LRP1B: variants seen among roughly 807,000 people sequenced by gnomAD.
The protein encoded by LRP1B is low-density lipoprotein receptor-related protein 1B.
LRP1B carries 217 observed loss-of-function variants against 556.6 expected under a neutral mutation model. The observed-to-expected ratio is 0.39, with a 90% CI of 0.35 to 0.44. The LOEUF is 0.44. Among genes scored for constraint, LRP1B ranks in the 20% least tolerant of loss-of-function variants. The probability of loss-of-function intolerance (pLI) is 1.00; values close to 1 mark genes in which losing one functional copy is unlikely to be tolerated. For synonymous variants in LRP1B, 2,047 were observed against 1,865.8 expected (o/e 1.10, Z -2.50); for missense variants, 5,053 against 5,620.8 (o/e 0.90, Z 3.23).
chr2:140,580,748 T>A (rs1681728866), intron 43 of LRP1B, among the ~76,000 whole-genome samples: 1 of 152,202 alleles, frequency 6.6e-6, no homozygotes, highest in African/African-American at 2.4e-5. Flanking sequence ...TGGCTTTTTA[T>A]CTTTTTTAAA....
chr2:140,846,014 T>C (rs2105108746), intron 29 of LRP1B, among the ~76,000 whole-genome samples: 1 of 152,138 alleles, frequency 6.6e-6, no homozygotes, highest in East Asian at 1.9e-4. Context: ...CAGGGCCCCA[T>C]GGAAGATACA....
At chr2:141,443,968 G>A (rs1207900382) in intron 3 of LRP1B, among the ~76,000 whole-genome samples, 2 of 152,068 alleles carry the variant, frequency 1.3e-5, no homozygotes, top group African/African-American at 2.4e-5. Flanking sequence ...ATTCTGTGAA[G>A]AAAGGCAATG....
intron 1 of LRP1B, among the ~76,000 whole-genome samples, chr2:141,955,035 T>C (rs903426144): frequency 2.6e-5 from 4 of 152,064 alleles, no homozygotes; most frequent in African/African-American, 7.2e-5. Flanking sequence ...CATAAAAGCA[T>C]TGGAAAAGAC....
rs142120934 is a variant in LRP1B, at chr2:141,254,392, T to C, written c.463+130A>G. The stretch of plus-strand genomic sequence containing the variant: ...ATGTTTTTGTTGGGGGGGCAACTTT[T>C]AAATCTCAAGAAAGAAAAGTTAACA... On this transcript the variant is annotated intron_variant, in intron 4 of 90. Transcript: ENST00000389484. 8.0e-4 allele frequency: 732 copies of C among 915,680 alleles called. 3 individuals carry two copies. In the African/African-American group the frequency reaches 0.011, roughly 14 times the overall value. 56.7% of individuals were successfully genotyped at this position (915,680 alleles called of 1,614,324 possible).
chr2:141,137,041 A>AG (rs1302671804), intron 7 of LRP1B, among the ~76,000 whole-genome samples: 7 of 151,714 alleles, frequency 4.6e-5, no homozygotes, highest in African/African-American at 1.7e-4. Context: ...TATTCGAAAA[A>AG]AAGTCTATTA....
At chr2:141,078,416 A>C (rs1699845339) in intron 7 of LRP1B, among the ~76,000 whole-genome samples, 1 of 152,188 alleles carries the variant, frequency 6.6e-6, no homozygotes, top group Admixed American at 6.5e-5. Flanking sequence ...CTCCTAGCTA[A>C]TTAGACCAGT....
intron 41 of LRP1B, among the ~76,000 whole-genome samples, chr2:140,649,821 T>C (rs917418487): frequency 5.3e-5 from 8 of 152,216 alleles, no homozygotes; most frequent in Admixed American, 6.5e-5. Context: ...ATTTTTTGAC[T>C]CCTTAAGAAG....
chr2:141,681,259 C>T (rs1691091932), intron 2 of LRP1B, among the ~76,000 whole-genome samples: 1 of 152,028 alleles, frequency 6.6e-6, no homozygotes, highest in South Asian at 2.1e-4. Context: ...CACTACTGCA[C>T]TCCAGCCTGG....
At chr2:141,309,628 C>A (rs1040405548) in intron 3 of LRP1B, among the ~76,000 whole-genome samples, 1 of 152,100 alleles carries the variant, frequency 6.6e-6, no homozygotes, top group Non-Finnish European at 1.5e-5. Context: ...AAACCAAACA[C>A]CTCATATTCT....
At chr2:140,308,401 A>G (rs1444266604) in intron 83 of LRP1B, among the ~76,000 whole-genome samples, 1 of 151,882 alleles carries the variant, frequency 6.6e-6, no homozygotes, top group African/African-American at 2.4e-5. Flanking sequence ...TGCTAGCAAA[A>G]GTAATTCCTT....
chr2:140,835,211 G>A (rs1691858359), intron 31 of LRP1B, among the ~76,000 whole-genome samples: 3 of 152,266 alleles, frequency 2.0e-5, no homozygotes, highest in South Asian at 2.1e-4. Context: ...GAAAATCTAC[G>A]TTAGTGAAGT....
In LRP1B at chr2:140,416,076, G is replaced by T. The variant is rs79768396; in HGVS notation, c.10414+26428C>A. On this transcript the variant is annotated intron_variant, in intron 66 of 90. Transcript: ENST00000389484. Reference sequence around the variant, plus strand: ...AACCAGGCCGCACAGCAGGAGGCGAGTGGCAGGCGAGCTAGCCAAGCTTCA... The same window carrying T: ...AACCAGGCCGCACAGCAGGAGGCGATTGGCAGGCGAGCTAGCCAAGCTTCA... 4.8e-3 allele frequency among the ~76,000 whole-genome samples: 733 copies of T among 152,302 alleles called. 12 individuals are homozygous for T. The East Asian group carries it at 0.055, about 11-fold the overall frequency.
At chr2:140,728,828 G>C (rs917693648) in intron 35 of LRP1B, among the ~76,000 whole-genome samples, 3 of 152,100 alleles carry the variant, frequency 2.0e-5, no homozygotes, top group African/African-American at 7.2e-5. Context: ...GTGGCTCTGT[G>C]ATATGGGCAA....
chr2:140,969,924 A>T (rs192512645), intron 18 of LRP1B, among the ~76,000 whole-genome samples: 73 of 152,228 alleles, frequency 4.8e-4, no homozygotes, highest in African/African-American at 1.7e-3. Context: ...TTGTGGGTAA[A>T]ACCCGACCTT....
intron 4 of LRP1B, among the ~76,000 whole-genome samples, chr2:141,247,833 A>G (rs1194488853): frequency 6.6e-6 from 1 of 152,212 alleles, no homozygotes; most frequent in Non-Finnish European, 1.5e-5. Flanking sequence ...TGAAAAATAA[A>G]GATTTTGTCT....
chr2:140,358,799 A>G (rs776711620), intron 73 of LRP1B, 22 bp downstream of exon 73: 31 of 1,604,488 alleles, frequency 1.9e-5, no homozygotes, highest in Non-Finnish European at 2.3e-5. Context: ...TCACTGAATT[A>G]TTTCACATTA....
At chr2:140,768,670 C>T (rs965499752) in intron 35 of LRP1B, among the ~76,000 whole-genome samples, 12 of 151,906 alleles carry the variant, frequency 7.9e-5, no homozygotes, top group African/African-American at 2.4e-4. Flanking sequence ...CTTCCTGTTG[C>T]TTCCTTTCAC....
chr2:141,025,598 T>A (rs940972875), intron 11 of LRP1B, among the ~76,000 whole-genome samples: 1 of 152,058 alleles, frequency 6.6e-6, no homozygotes, highest in Non-Finnish European at 1.5e-5. Context: ...ATGAAATTCT[T>A]CCTCCAGACT....
intron 66 of LRP1B, among the ~76,000 whole-genome samples, chr2:140,407,564 A>C (rs754563056): frequency 3.3e-5 from 5 of 152,176 alleles, no homozygotes; most frequent in Non-Finnish European, 5.9e-5. Context: ...AACAGCCAAC[A>C]AACATATAAA....
Sources: allele counts gnomAD v4.1 joint callset (sites outside exome capture counted in the v4.1 genomes callset), GRCh38; gene constraint gnomAD v4.1.1; transcripts MANE v1.5; gene names NCBI Gene and HGNC (gene_info 2026-07-23, HGNC 2026-07-21).